The following CNTNAP2 variants were observed in gnomAD, a reference collection of about 807,000 sequenced individuals.
CNTNAP2 encodes the protein contactin associated protein 2.
In CNTNAP2, 98 loss-of-function variants were observed where a neutral mutation model predicts 155.2. That is an observed-to-expected ratio of 0.63 (90% confidence interval 0.54 to 0.75). The LOEUF is 0.75. Ranked by LOEUF, CNTNAP2 falls within the 30% of genes least tolerant of loss-of-function variation. CNTNAP2 has a pLI of 0.00. For synonymous variants in CNTNAP2, 651 were observed against 631.2 expected (o/e 1.03, Z -0.47); for missense variants, 1,727 against 1,688.1 (o/e 1.02, Z -0.40).
intron 14 of CNTNAP2, among the ~76,000 whole-genome samples, chr7:147,922,307 C>G (rs560786643): frequency 8.9e-4 from 135 of 152,278 alleles, no homozygotes; most frequent in African/African-American, 3.2e-3. Flanking sequence ...TGACTGTGCC[C>G]CAACCCTGCT....
chr7:147,091,618 A>AT (rs111317397), intron 4 of CNTNAP2, among the ~76,000 whole-genome samples: 95,413 of 137,748 alleles, frequency 0.69, 32,723 homozygotes, highest in East Asian at 0.83. Flanking sequence ...CACCCAGCTA[A>AT]TTTTTTTTTT....
In CNTNAP2 at chr7:147,120,516, TC is replaced by T. The variant is rs544153709; in HGVS notation, c.755-458del. 1.8e-3 allele frequency among the ~76,000 whole-genome samples: 279 copies of T among 152,200 alleles called. 3 individuals are homozygous for T. Among genetic ancestry groups the T allele is most frequent in the African/African-American group, 6.6e-3 (273 of 41,526 alleles). On this transcript the variant is annotated intron_variant, in intron 5 of 23. Transcript: ENST00000361727. ...TTGCACAGTCATAAAACACTCATTT[TC>T]CCCCTTTTTAAAAAAGCACTTTTTT...
At chr7:146,678,482 T>G (rs535800118) in intron 1 of CNTNAP2, among the ~76,000 whole-genome samples, 1 of 152,242 alleles carries the variant, frequency 6.6e-6, no homozygotes, top group East Asian at 1.9e-4. Flanking sequence ...AAAACAATTA[T>G]TTATATTTTT....
rs1003750532 is a variant in CNTNAP2, at chr7:147,352,368, C to T, written c.1499-43241C>T. Among the ~76,000 whole-genome samples the T allele has an allele frequency of 5.3e-5, 8 of 152,040 alleles. 1 individual carries two copies. The South Asian group carries it at 1.2e-3, about 24-fold the overall frequency. ...CCCTCAGGACTAATAATGTACACTT[C>T]ATCTAAGTCCAAATTTTAATTAACA... On this transcript the variant is annotated intron_variant, in intron 9 of 23. Transcript: ENST00000361727.
intron 8 of CNTNAP2, among the ~76,000 whole-genome samples, chr7:147,207,247 C>CA (rs999212509): frequency 1.4e-4 from 22 of 152,062 alleles, no homozygotes; most frequent in Admixed American, 2.6e-4. Context: ...GTACTGTTAA[C>CA]AAAAAATGCA....
intron 3 of CNTNAP2, among the ~76,000 whole-genome samples, chr7:146,950,889 A>G (rs919963508): frequency 6.6e-6 from 1 of 152,140 alleles, no homozygotes; most frequent in African/African-American, 2.4e-5. Context: ...ACAATGGTTG[A>G]ACTAATTTAC....
At chr7:148,011,268 G>A (rs1196336219) in intron 15 of CNTNAP2, among the ~76,000 whole-genome samples, 1 of 151,880 alleles carries the variant, frequency 6.6e-6, no homozygotes, top group Non-Finnish European at 1.5e-5. Flanking sequence ...TCACTGTAGA[G>A]TATCCCATCA....
intron 1 of CNTNAP2, among the ~76,000 whole-genome samples, chr7:146,717,080 C>A (rs1210623707): frequency 6.6e-6 from 1 of 151,582 alleles, no homozygotes; most frequent in Non-Finnish European, 1.5e-5. Context: ...CAGACCTCCC[C>A]CTGAGTGGAT....
At chr7:146,186,214 G>A (rs1798621566) in intron 1 of CNTNAP2, among the ~76,000 whole-genome samples, 1 of 152,024 alleles carries the variant, frequency 6.6e-6, no homozygotes, top group African/African-American at 2.4e-5. Context: ...ATTTTATTCA[G>A]TGGTGTTTAC....
chr7:146,540,257 TG>T (rs1203495938), intron 1 of CNTNAP2, among the ~76,000 whole-genome samples: 1 of 152,092 alleles, frequency 6.6e-6, no homozygotes, highest in Non-Finnish European at 1.5e-5. Flanking sequence ...GGTCAGAGAA[TG>T]GTGTCCGTTT....
At chr7:148,047,239 T>C (rs1301481049) in intron 15 of CNTNAP2, among the ~76,000 whole-genome samples, 1 of 152,208 alleles carries the variant, frequency 6.6e-6, no homozygotes, top group East Asian at 1.9e-4. Context: ...ACTGAACCAT[T>C]GCCCCTAGAG....
chr7:146,848,674 G>C (rs1794809056), intron 3 of CNTNAP2, among the ~76,000 whole-genome samples: 2 of 151,756 alleles, frequency 1.3e-5, no homozygotes. Flanking sequence ...ATTCCAAGCA[G>C]ATGAATCTTC....
intron 1 of CNTNAP2, among the ~76,000 whole-genome samples, chr7:146,189,102 A>G (rs985388697): frequency 6.6e-6 from 1 of 152,218 alleles, no homozygotes; most frequent in Admixed American, 6.6e-5. Context: ...TTGTAATCAT[A>G]AAGTAAAAAT....
chr7:148,172,281 G>T lies in CNTNAP2; in HGVS notation c.2813G>T (p.Arg938Leu), dbSNP rs1048353998. Reference protein sequence around the residue: ...GGQQGFLGCIRSLRMNGVTLD... With the variant: ...GGQQGFLGCILSLRMNGVTLD... ...CAGCAGGGCTTCCTGGGCTGCATCCGCTCCTTGAGGATGAATGGGGTGACA... is the reference window on the plus strand; with the variant it reads ...CAGCAGGGCTTCCTGGGCTGCATCCTCTCCTTGAGGATGAATGGGGTGACA... The change falls in exon 18 of 24, where the codon CGC (arginine) becomes CTC (leucine). Residue 938 changes from arginine to leucine, a missense_variant. By Grantham distance (102) the Arg-to-Leu change is moderately radical. Transcript: ENST00000361727. 5 of 1,614,070 alleles carry T rather than the reference G, an allele frequency of 3.1e-6. No homozygotes were observed. The highest frequency in any genetic ancestry group is 1.7e-4 in the Middle Eastern group (1 of 6,060).
intron 8 of CNTNAP2, among the ~76,000 whole-genome samples, chr7:147,236,616 A>C (rs1406333790): frequency 6.6e-6 from 1 of 151,440 alleles, no homozygotes; most frequent in Non-Finnish European, 1.5e-5. Context: ...ACCTGTAAAA[A>C]TCCCAATTGT....
At chr7:146,646,896 A>C (rs74971693) in intron 1 of CNTNAP2, among the ~76,000 whole-genome samples, 5,080 of 152,232 alleles carry the variant, frequency 0.033, 133 homozygotes, top group South Asian at 0.043. Flanking sequence ...GCAAAAATTA[A>C]ATGGAATCCA....
rs143002161 is a variant in CNTNAP2, at chr7:146,867,291, G to C, written c.402+27387G>C. ...GTGGTATTTGGTTTTCTGTTCTTGTGTTAGTTTGCTAAGGATGATGACCTC... is the reference window on the plus strand; with the variant it reads ...GTGGTATTTGGTTTTCTGTTCTTGTCTTAGTTTGCTAAGGATGATGACCTC... On this transcript the variant is annotated intron_variant, in intron 3 of 23. Coordinates refer to ENST00000361727, the MANE Select transcript of CNTNAP2 (RefSeq NM_014141.6). Among the ~76,000 whole-genome samples the C allele has an allele frequency of 7.7e-4, 117 of 152,188 alleles. 3 individuals carry two copies. The East Asian group carries it at 0.019, about 24-fold the overall frequency.
chr7:146,985,859 CA>C (rs1798106382), intron 3 of CNTNAP2, among the ~76,000 whole-genome samples: 1 of 151,960 alleles, frequency 6.6e-6, no homozygotes, highest in South Asian at 2.1e-4. Context: ...TAAGTGTGTC[CA>C]AACCCTGGCA....
intron 20 of CNTNAP2, among the ~76,000 whole-genome samples, chr7:148,232,038 A>G (rs1374676377): frequency 3.3e-5 from 5 of 152,186 alleles, no homozygotes. Context: ...CATGTAATGT[A>G]ACTGACTGCA....
Sources: allele counts gnomAD v4.1 joint callset (sites outside exome capture counted in the v4.1 genomes callset), GRCh38; gene constraint gnomAD v4.1.1; transcripts MANE v1.5; gene names NCBI Gene and HGNC (gene_info 2026-07-23, HGNC 2026-07-21).